Variants in SLC4A4 observed in about 807,000 individuals in gnomAD.
SLC4A4 encodes electrogenic sodium bicarbonate cotransporter 1.
SLC4A4 carries 27 observed loss-of-function variants against 111.5 expected under a neutral mutation model. The observed-to-expected ratio is 0.24, with a 90% CI of 0.18 to 0.33. The LOEUF (loss-of-function observed/expected upper bound fraction) is 0.33. Among genes scored for constraint, SLC4A4 ranks in the 10% least tolerant of loss-of-function variants. The pLI, the probability that SLC4A4 is intolerant of heterozygous loss-of-function variation, is 1.00. For missense variants in SLC4A4, 909 were observed against 1,315.5 expected (o/e 0.69, Z 4.78); for synonymous variants, 443 against 463.4 (o/e 0.96, Z 0.57).
intron 3 of SLC4A4, among the ~76,000 whole-genome samples, chr4:71,288,952 C>G (rs1724126387): frequency 6.6e-6 from 1 of 151,996 alleles, no homozygotes; most frequent in Non-Finnish European, 1.5e-5. Flanking sequence ...CAGCAGAATA[C>G]AGGCTGGTTC....
At chr4:71,509,947 A>G (rs968903974) in intron 16 of SLC4A4, among the ~76,000 whole-genome samples, 1 of 152,142 alleles carries the variant, frequency 6.6e-6, no homozygotes, top group African/African-American at 2.4e-5. Context: ...GGGTCCCAGG[A>G]CAGGATTCCC....
intron 16 of SLC4A4, among the ~76,000 whole-genome samples, chr4:71,500,513 G>T (rs1730819181): frequency 6.6e-6 from 1 of 152,048 alleles, no homozygotes; most frequent in Non-Finnish European, 1.5e-5. Flanking sequence ...GTAGAGACAG[G>T]ATTTCACCAT....
chr4:71,486,070 A>G (rs1268005637), intron 14 of SLC4A4, among the ~76,000 whole-genome samples: 1 of 151,538 alleles, frequency 6.6e-6, no homozygotes, highest in Non-Finnish European at 1.5e-5. Flanking sequence ...CTAGCAATTC[A>G]GATGTTAAAT....
chr4:71,546,958 C>T (rs1735590241), intron 19 of SLC4A4, among the ~76,000 whole-genome samples: 1 of 151,852 alleles, frequency 6.6e-6, no homozygotes, highest in Admixed American at 6.6e-5. Context: ...CTTTAACCTC[C>T]AGACGTTCAA....
At chr4:71,140,105 T>C (rs1204203478) in intron 2 of SLC4A4, among the ~76,000 whole-genome samples, 1 of 152,164 alleles carries the variant, frequency 6.6e-6, no homozygotes, top group African/African-American at 2.4e-5. Context: ...TTTGAACACA[T>C]AGCATCCAAT....
intron 1 of SLC4A4, among the ~76,000 whole-genome samples, chr4:71,085,842 C>T (rs1466209977): frequency 6.6e-6 from 1 of 151,942 alleles, no homozygotes; most frequent in Non-Finnish European, 1.5e-5. Context: ...TAGCGTGATG[C>T]CTCCAGCTTT....
intron 2 of SLC4A4, among the ~76,000 whole-genome samples, chr4:71,134,216 C>A (rs1743783873): frequency 6.6e-6 from 1 of 152,182 alleles, no homozygotes; most frequent in Non-Finnish European, 1.5e-5. Context: ...AAACACAAGG[C>A]TTCAAGAATA....
intron 7 of SLC4A4, among the ~76,000 whole-genome samples, chr4:71,433,426 A>G (rs1171528028): frequency 4.6e-5 from 7 of 151,844 alleles, no homozygotes; most frequent in Non-Finnish European, 2.9e-5. Flanking sequence ...TGCAGCATTA[A>G]CCTGTCTCTA....
intron 7 of SLC4A4, among the ~76,000 whole-genome samples, chr4:71,413,578 C>A (rs1721583868): frequency 6.6e-6 from 1 of 151,962 alleles, no homozygotes; most frequent in Admixed American, 6.6e-5. Context: ...AAGCACTTTC[C>A]CTCAATGGCT....
chr4:71,357,032 A>G lies in SLC4A4; in HGVS notation c.575A>G (p.Glu192Gly). 1 of 1,614,116 alleles carries G rather than the reference A, an allele frequency of 6.2e-7. No individual in the cohort carries two copies. The highest frequency in any genetic ancestry group is 8.5e-7 in the Non-Finnish European group (1 of 1,179,984). ...GAGATGATTGTTGACCATCAGATTG[A>G]GACAGGCCTATTGAAACCTGAACTT... Reference protein sequence around the residue: ...LVEMIVDHQIETGLLKPELKD... With the variant: ...LVEMIVDHQIGTGLLKPELKD... The change falls in exon 6 of 26, where the codon GAG becomes GGG. Residue 192 changes from glutamate to glycine, a missense_variant. Coordinates refer to ENST00000264485, the MANE Select transcript of SLC4A4 (RefSeq NM_001098484.3).
In SLC4A4 at chr4:71,326,444, G is replaced by C. The variant is rs1560412008; in HGVS notation, c.254-12926G>C. 2.6e-5 allele frequency among the ~76,000 whole-genome samples: 4 copies of C among 152,020 alleles called. No homozygotes were observed. The South Asian group carries it at 8.3e-4, about 31-fold the overall frequency. On this transcript the variant is annotated intron_variant, in intron 3 of 25. Transcript: ENST00000264485. ...CCTTCATGTGGTCAACAAAGGGTCA[G>C]CATGATAACATGGGTTCTCAGGGAG...
At chr4:71,287,603 ATTT>A (rs1335345301) in intron 3 of SLC4A4, among the ~76,000 whole-genome samples, 2 of 152,178 alleles carry the variant, frequency 1.3e-5, no homozygotes, top group Non-Finnish European at 2.9e-5. Flanking sequence ...TAAATCAGAA[ATTT>A]ATTTTAATCA....
chr4:71,162,614 G>A (rs754551459), intron 2 of SLC4A4, among the ~76,000 whole-genome samples: 3 of 152,174 alleles, frequency 2.0e-5, no homozygotes, highest in Admixed American at 6.5e-5. Flanking sequence ...ACTAATGAAT[G>A]TAGACCACAG....
chr4:71,382,631 A>T (rs1718264206), intron 6 of SLC4A4, among the ~76,000 whole-genome samples: 1 of 152,178 alleles, frequency 6.6e-6, no homozygotes, highest in Admixed American at 6.5e-5. Context: ...GCTTCCTGTC[A>T]CTCAAAGTAT....
intron 2 of SLC4A4, among the ~76,000 whole-genome samples, chr4:71,162,969 G>A (rs1744649891): frequency 6.6e-6 from 1 of 152,172 alleles, no homozygotes; most frequent in African/African-American, 2.4e-5. Flanking sequence ...TCGTCATGAG[G>A]AATAATTCAA....
intron 2 of SLC4A4, among the ~76,000 whole-genome samples, chr4:71,129,729 G>A (rs1249791146): frequency 4.3e-5 from 6 of 139,848 alleles, no homozygotes; most frequent in South Asian, 2.3e-4. Flanking sequence ...ATGCCCATCA[G>A]TGATAGACTG....
chr4:71,548,595 C>A (rs1408247176), intron 20 of SLC4A4, among the ~76,000 whole-genome samples: 2 of 151,774 alleles, frequency 1.3e-5, no homozygotes, highest in African/African-American at 4.8e-5. Flanking sequence ...ATGCAATTCA[C>A]CCATGGACCT....
chr4:71,089,272 A>G (rs1742299762), intron 1 of SLC4A4, among the ~76,000 whole-genome samples: 1 of 151,760 alleles, frequency 6.6e-6, no homozygotes, highest in East Asian at 1.9e-4. Context: ...ACTTCTCTGC[A>G]TTGGTTATTC....
At chr4:71,275,384 G>T (rs1342530893) in intron 3 of SLC4A4, among the ~76,000 whole-genome samples, 1 of 152,304 alleles carries the variant, frequency 6.6e-6, no homozygotes, top group Non-Finnish European at 1.5e-5. Context: ...GGAAAGGCTT[G>T]TCACTTTCTT....
Sources: allele counts gnomAD v4.1 joint callset (sites outside exome capture counted in the v4.1 genomes callset), GRCh38; gene constraint gnomAD v4.1.1; transcripts MANE v1.5; gene names NCBI Gene and HGNC (gene_info 2026-07-23, HGNC 2026-07-21).